EBF1: variants seen among roughly 807,000 people sequenced by gnomAD.
EBF1 encodes transcription factor COE1.
Under a neutral mutation model 68.4 loss-of-function variants are expected in EBF1, and 10 were observed. That is an observed-to-expected ratio of 0.15 (90% CI 0.09 to 0.25). The LOEUF is 0.25. Ranked by LOEUF, EBF1 falls within the 10% of genes least tolerant of loss-of-function variation. EBF1 has a pLI of 1.00. For synonymous variants in EBF1, 298 were observed against 299.8 expected, an observed-to-expected ratio of 0.99 and a Z score of 0.06; for missense variants, 509 against 794.4, an observed-to-expected ratio of 0.64 and a Z score of 4.32.
chr5:158,887,094 CT>C (rs1272776042), intron 6 of EBF1, among the ~76,000 whole-genome samples: 7 of 152,276 alleles, frequency 4.6e-5, no homozygotes, highest in Admixed American at 3.3e-4. Context: ...AATATTCAGT[CT>C]TTTTTGGGCA....
rs564123033 is a variant in EBF1 at position 158,711,187 on chromosome 5, ACAAAC to A, written c.1549+962_1549+966del. 2.6e-5 allele frequency among the ~76,000 whole-genome samples: 4 copies of A among 152,340 alleles called. No individual in the cohort carries two copies. The South Asian group carries it at 8.3e-4, about 32-fold the overall frequency. On this transcript the variant is annotated intron_variant, in intron 14 of 15. Coordinates refer to ENST00000313708, the MANE Select transcript of EBF1 (RefSeq NM_024007.5). ...TTGTTGTTTTAAATATACACCAAAC[ACAAAC>A]AAAGGGGAAAAATCCAAGCATTAAA...
chr5:159,081,135 G>A (rs931287222), intron 5 of EBF1, among the ~76,000 whole-genome samples: 2 of 151,948 alleles, frequency 1.3e-5, no homozygotes, highest in African/African-American at 2.4e-5. Flanking sequence ...CATGCACCAT[G>A]CCTGGCTAAT....
intron 10 of EBF1, among the ~76,000 whole-genome samples, chr5:158,767,407 A>G (rs1418698346): frequency 6.6e-6 from 1 of 152,166 alleles, no homozygotes; most frequent in African/African-American, 2.4e-5. Context: ...CAACAACTGC[A>G]TTTCAGGGAA....
At chr5:159,027,067 T>C (rs1767845569) in intron 6 of EBF1, among the ~76,000 whole-genome samples, 1 of 152,212 alleles carries the variant, frequency 6.6e-6, no homozygotes, top group South Asian at 2.1e-4. Context: ...ATGGCTGTCC[T>C]GGATCCATTC....
intron 6 of EBF1, among the ~76,000 whole-genome samples, chr5:158,951,140 A>G (rs1000191471): frequency 1.3e-5 from 2 of 152,160 alleles, no homozygotes; most frequent in Admixed American, 1.3e-4. Flanking sequence ...TAAATCATAC[A>G]TTACTTTTGC....
intron 6 of EBF1, among the ~76,000 whole-genome samples, chr5:159,009,005 G>A (rs13190591): frequency 0.93 from 141,417 of 152,258 alleles, 66,319 homozygotes; most frequent in Non-Finnish European, 0.99. Context: ...ACCTTGGCCA[G>A]GGGGAAGCTC....
At chr5:159,045,319 C>T (rs951022347) in intron 6 of EBF1, among the ~76,000 whole-genome samples, 1 of 151,836 alleles carries the variant, frequency 6.6e-6, no homozygotes, top group Non-Finnish European at 1.5e-5. Context: ...CTTTTTTGTG[C>T]CAAAACGCAG....
intron 6 of EBF1, among the ~76,000 whole-genome samples, chr5:158,954,061 C>T (rs753941172): frequency 6.6e-6 from 1 of 152,198 alleles, no homozygotes; most frequent in South Asian, 2.1e-4. Flanking sequence ...AACTGAAAGT[C>T]GTATGTGCCT....
At chr5:159,040,710 C>T (rs1771022982) in intron 6 of EBF1, among the ~76,000 whole-genome samples, 1 of 152,204 alleles carries the variant, frequency 6.6e-6, no homozygotes. Flanking sequence ...CAATATATTG[C>T]ACTGTAAAAT....
At chr5:158,996,902 T>C (rs1761532104) in intron 6 of EBF1, among the ~76,000 whole-genome samples, 1 of 152,200 alleles carries the variant, frequency 6.6e-6, no homozygotes, top group African/African-American at 2.4e-5. Flanking sequence ...CAACTTCGAT[T>C]GTAGAATTTT....
chr5:158,764,803 A>G (rs9313787), intron 10 of EBF1, among the ~76,000 whole-genome samples: 6,072 of 152,182 alleles, frequency 0.04, 489 homozygotes, highest in East Asian at 0.32. Context: ...AAAATCTAAG[A>G]TATTGAAAGG....
intron 8 of EBF1, among the ~76,000 whole-genome samples, chr5:158,820,374 C>G (rs1582200921): frequency 6.6e-6 from 1 of 152,084 alleles, no homozygotes; most frequent in South Asian, 2.1e-4. Flanking sequence ...AAAGTATTAC[C>G]CTCACATCAA....
rs536634064 is a variant in EBF1, at chr5:158,883,622, C to T, written c.555-43512G>A. On this transcript the variant is annotated intron_variant, in intron 6 of 15. Coordinates refer to ENST00000313708, the MANE Select transcript of EBF1 (RefSeq NM_024007.5). ...ATGCTGAGGATATTACAAACATTAC[C>T]ATCTCCAAGTCTCACAATCCTATGA... Among the ~76,000 whole-genome samples, 6 of 152,064 alleles carry T rather than the reference C, an allele frequency of 3.9e-5. No individual in the cohort carries two copies. In the South Asian group the frequency reaches 1.2e-3, roughly 32 times the overall value.
At chr5:158,850,569 C>T (rs1582542470) in intron 6 of EBF1, among the ~76,000 whole-genome samples, 1 of 152,170 alleles carries the variant, frequency 6.6e-6, no homozygotes, top group South Asian at 2.1e-4. Flanking sequence ...AATTTTGATG[C>T]ACACTAAAGC....
rs1364824074 is a variant in EBF1, at chr5:158,865,459, A to AAT, written c.555-25351_555-25350dup. ...AGGATTATTGTGAGAAATAAGTAAG[A>AAT]ATATATATGAAGTTCCAAGGGCTGT... is the stretch of plus-strand genomic sequence containing the variant. On this transcript the variant is annotated intron_variant, in intron 6 of 15. Coordinates refer to ENST00000313708, the MANE Select transcript of EBF1 (RefSeq NM_024007.5). Among the ~76,000 whole-genome samples, 10 of 152,338 alleles carry AAT rather than the reference A, an allele frequency of 6.6e-5. No homozygotes were observed. In the East Asian group the frequency reaches 1.9e-3, roughly 29 times the overall value.
chr5:158,702,984 CTTTTTG>C (rs957651778), intron 15 of EBF1, among the ~76,000 whole-genome samples: 11 of 152,088 alleles, frequency 7.2e-5, no homozygotes, highest in Middle Eastern at 3.4e-3. Flanking sequence ...TTACTCTGGC[CTTTTTG>C]TTTTTAATTT....
intron 8 of EBF1, among the ~76,000 whole-genome samples, chr5:158,801,182 T>C (rs1780516098): frequency 6.6e-6 from 1 of 152,122 alleles, no homozygotes; most frequent in Non-Finnish European, 1.5e-5. Flanking sequence ...ATAATGGCTC[T>C]GAAATGCTCA....
chr5:158,840,415 T>C (rs891905), intron 6 of EBF1, among the ~76,000 whole-genome samples: 50,254 of 152,000 alleles, frequency 0.33, 9,034 homozygotes, highest in South Asian at 0.58. Flanking sequence ...TAGGTTCCAA[T>C]TGGATATAAT....
At chr5:158,851,705 AG>A (rs1470597660) in intron 6 of EBF1, among the ~76,000 whole-genome samples, 1 of 118,434 alleles carries the variant, frequency 8.4e-6, no homozygotes, top group African/African-American at 3.3e-5. Flanking sequence ...AGGGAAGGAA[AG>A]GGTAGAAGGG....
Sources: allele counts gnomAD v4.1 joint callset (sites outside exome capture counted in the v4.1 genomes callset), GRCh38; gene constraint gnomAD v4.1.1; transcripts MANE v1.5; gene names NCBI Gene and HGNC (gene_info 2026-07-23, HGNC 2026-07-21).